DPH3: variants seen among roughly 807,000 people sequenced by gnomAD.
DPH3 encodes the protein diphthamide biosynthesis 3.
A neutral mutation model predicts 10.2 loss-of-function variants in DPH3; 8 were observed. That is an observed-to-expected ratio of 0.79 (90% CI 0.46 to 1.42). The LOEUF is 1.42. Ranked by LOEUF, DPH3 falls within the 40% of genes most tolerant of loss-of-function variation. DPH3 has a pLI of 0.00. For missense variants in DPH3, 96 were observed against 98.9 expected (o/e 0.97, Z 0.12); for synonymous variants, 35 against 35.6 (o/e 0.98, Z 0.06).
chr3:16,260,870 G>T, intron 2 of DPH3, 41 bp from the exon 3 acceptor site: 1 of 1,559,458 alleles, frequency 6.4e-7, no homozygotes, highest in Non-Finnish European at 8.8e-7. Context: ...ATGAATTTCC[G>T]GTCACAAATA....
intron 1 of DPH3, 111 bp downstream of exon 1, chr3:16,264,658 A>C: frequency 9.5e-7 from 1 of 1,051,972 alleles, no homozygotes; most frequent in South Asian, 1.5e-5. Context: ...CAGCAACGGG[A>C]AAGAGGGCGT....
rs2064262440 is a variant in DPH3, at chr3:16,257,805, A to G, written c.*2959T>C. ...AGTTATTTTTTTCCCAAACAATAGA[A>G]ATCCAGAGCCCAAACTGTAGAAATT... On this transcript the variant is annotated 3_prime_UTR_variant, in exon 3 of 3. Coordinates refer to ENST00000488423, the MANE Select transcript of DPH3 (RefSeq NM_206831.3). Among the ~76,000 whole-genome samples, 1 of 152,222 alleles carries G rather than the reference A, an allele frequency of 6.6e-6. No homozygotes were observed.
At position 16,260,599 on chromosome 3, in the gene DPH3, G is replaced by A; in HGVS notation, c.*165C>T. The A allele has an allele frequency of 1.8e-6, 1 of 556,608 alleles. No homozygotes were observed. The highest frequency in any genetic ancestry group is 3.2e-5 in the South Asian group (1 of 31,614). 34.5% of individuals were successfully genotyped at this position (556,608 alleles called of 1,614,324 possible). A position where few individuals can be genotyped will look rare whatever the true frequency, so the allele number is the denominator to read the frequency against. On this transcript the variant is annotated 3_prime_UTR_variant, in exon 3 of 3. Coordinates refer to ENST00000488423, the MANE Select transcript of DPH3 (RefSeq NM_206831.3). ...ACAAAATCCAGATATGTCATGTTAT[G>A]GACTTGCTTCCTGAAGATGATATCA...
rs550155106 is a variant in DPH3 at position 16,260,528 on chromosome 3, A to C, written c.*236T>G. 9.0e-6 allele frequency: 4 copies of C among 444,518 alleles called. No individual in the cohort carries two copies. The highest frequency in any genetic ancestry group is 5.9e-5 in the African/African-American group (3 of 50,746). 27.5% of individuals were successfully genotyped at this position (444,518 alleles called of 1,614,324 possible). A position where few individuals can be genotyped will look rare whatever the true frequency, so the allele number is the denominator to read the frequency against. On this transcript the variant is annotated 3_prime_UTR_variant, in exon 3 of 3. Transcript: ENST00000488423. ...ACTGTTTTGAAATTATCTTCTTTTA[A>C]ATTTAGATGCATAATTAAGAATGCT...
At chr3:16,264,298 C>T (rs1319811796) in intron 1 of DPH3, 69 bp from the exon 2 acceptor site, 1 of 1,289,752 alleles carries the variant, frequency 7.8e-7, no homozygotes, top group Non-Finnish European at 1.1e-6. Context: ...CAAACCTATC[C>T]CACCCCTAGA....
At position 16,263,013 on chromosome 3, in the gene DPH3, C is replaced by G. The variant is rs2064310352; in HGVS notation, c.183+1142G>C. ...TGGTTTTCCTGTTTCTATGCTTGCT[C>G]TCTATAGGCTACTCTGAACACAGCA... On this transcript the variant is annotated intron_variant, in intron 2 of 2. Transcript: ENST00000488423. The surrounding 1 kb of genome is among the most constrained non-coding windows in gnomAD (Gnocchi z 4.0). Among the ~76,000 whole-genome samples, 1 of 152,198 alleles carries G rather than the reference C, an allele frequency of 6.6e-6. No homozygotes were observed. The highest frequency in any genetic ancestry group is 6.5e-5 in the Admixed American group (1 of 15,282).
Position 16,263,434 on chromosome 3 carries a change from T to C in DPH3, c.183+721A>G, listed in dbSNP as rs1196407584. 6.6e-6 allele frequency among the ~76,000 whole-genome samples: 1 copy of C among 152,232 alleles called. No homozygotes were observed. Among genetic ancestry groups the C allele is most frequent in the Admixed American group, 6.5e-5 (1 of 15,284 alleles). ...ACTCCTGATCTTCCTTACCGTTTGC[T>C]TTCTGTTGCAGAGCACATTTTAATA... On this transcript the variant is annotated intron_variant, in intron 2 of 2. Coordinates refer to ENST00000488423, the MANE Select transcript of DPH3 (RefSeq NM_206831.3). This position sits in a 1 kb window ranked among gnomAD's most constrained non-coding sequence, Gnocchi z 4.0.
Position 16,257,497 on chromosome 3 carries a change from C to A in DPH3, c.*3267G>T, listed in dbSNP as rs1559704557. Among the ~76,000 whole-genome samples the A allele has an allele frequency of 1.3e-5, 2 of 152,368 alleles. No homozygotes were observed. Among genetic ancestry groups the A allele is most frequent in the South Asian group, 4.1e-4 (2 of 4,828 alleles). On this transcript the variant is annotated 3_prime_UTR_variant, in exon 3 of 3. Coordinates refer to ENST00000488423, the MANE Select transcript of DPH3 (RefSeq NM_206831.3). ...AGGTACTTCTTTGCCTAGTGCATAG[C>A]ACATGACAGCTATTTTTCTAATTGC...
At position 16,260,674 on chromosome 3, in the gene DPH3, G is replaced by A. The variant is rs950469240; in HGVS notation, c.*90C>T. ...TCTTACAGAACAGCAAATCATAAAT[G>A]GTTGTCTCTGTGAAGCCAGTAGCTT... On this transcript the variant is annotated 3_prime_UTR_variant, in exon 3 of 3. Transcript: ENST00000488423. 8.9e-7 allele frequency: 1 copy of A among 1,128,080 alleles called. No individual in the cohort carries two copies. Among genetic ancestry groups the A allele is most frequent in the Non-Finnish European group, 1.3e-6 (1 of 765,952 alleles). The allele number at this position is 1,128,080 out of a possible 1,614,324, so 69.9% of individuals were successfully genotyped here.
At position 16,262,158 on chromosome 3, in the gene DPH3, T is replaced by C. The variant is rs890188897; in HGVS notation, c.184-1329A>G. On this transcript the variant is annotated intron_variant, in intron 2 of 2. Transcript: ENST00000488423. This position sits in a 1 kb window ranked among gnomAD's most constrained non-coding sequence, Gnocchi z 4.7. ...CACCTTAAACCCTCTCTTGATCCTC[T>C]ATCACCACTGGTTACTGTCCCATGT... 6.6e-6 allele frequency among the ~76,000 whole-genome samples: 1 copy of C among 152,230 alleles called. No homozygotes were observed. Among genetic ancestry groups the C allele is most frequent in the East Asian group, 1.9e-4 (1 of 5,206 alleles).
rs757116637 is a variant in DPH3, at chr3:16,264,924, A to G, written c.-48T>C. 6 of 1,603,022 alleles carry G rather than the reference A, an allele frequency of 3.7e-6. No individual in the cohort carries two copies. The highest frequency in any genetic ancestry group is 2.2e-5 in the South Asian group (2 of 90,430). ...GGTAACGCCCCAGCAGTCCGAGGCC[A>G]GCTCCGAGGGTTTAACTTCGCCGGA... On this transcript the variant is annotated 5_prime_UTR_variant, in exon 1 of 3. Transcript: ENST00000488423.
Position 16,263,152 on chromosome 3 carries a change from C to CACA in DPH3, c.183+1000_183+1002dup, listed in dbSNP as rs1019228551. 2.4e-4 allele frequency among the ~76,000 whole-genome samples: 19 copies of CACA among 78,894 alleles called. No homozygotes were observed. The highest frequency in any genetic ancestry group is 1.6e-3 in the African/African-American group (19 of 12,166). 51.8% of individuals were successfully genotyped at this position (78,894 alleles called of 152,430 possible). A position where few individuals can be genotyped will look rare whatever the true frequency, so the allele number is the denominator to read the frequency against. ...AAGAGCCTAAGTCCTTAAAGTGATC[C>CACA]ACAACTTCTTACGCTACTCTCATCC... is the stretch of plus-strand genomic sequence containing the variant. On this transcript the variant is annotated intron_variant, in intron 2 of 2. Coordinates refer to ENST00000488423, the MANE Select transcript of DPH3 (RefSeq NM_206831.3). The surrounding 1 kb of genome is among the most constrained non-coding windows in gnomAD (Gnocchi z 4.0).
Position 16,259,449 on chromosome 3 carries a change from T to C in DPH3, c.*1315A>G, listed in dbSNP as rs1030075411. On this transcript the variant is annotated 3_prime_UTR_variant, in exon 3 of 3. Transcript: ENST00000488423. ...ACAGAACATTTACATTCTAGCAAGC[T>C]ATTTTTCTAATTGCAGAAGCCATTC... 1.3e-5 allele frequency: 2 copies of C among 152,262 alleles called. No individual in the cohort carries two copies. The highest frequency in any genetic ancestry group is 4.8e-5 in the African/African-American group (2 of 41,472). The allele number at this position is 152,262 out of a possible 1,614,324, so 9.4% of individuals were successfully genotyped here.
chr3:16,259,918 C>T lies in DPH3; in HGVS notation c.*846G>A, dbSNP rs1353649454. 2.0e-5 allele frequency: 3 copies of T among 152,198 alleles called. No homozygotes were observed. The highest frequency in any genetic ancestry group is 7.2e-5 in the African/African-American group (3 of 41,440). The allele number at this position is 152,198 out of a possible 1,614,324, so 9.4% of individuals were successfully genotyped here. On this transcript the variant is annotated 3_prime_UTR_variant, in exon 3 of 3. Coordinates refer to ENST00000488423, the MANE Select transcript of DPH3 (RefSeq NM_206831.3). The stretch of plus-strand genomic sequence containing the variant: ...CAAAACACAAACAAAAACTCAGATA[C>T]AGAAATATTACTTGCTCTGACCTGG...
Position 16,262,129 on chromosome 3 carries a change from C to CT in DPH3, c.184-1301dup, listed in dbSNP as rs1368839249. ...ATATTCACTAATGAAGGCTGAATTT[C>CT]TACCACCTTAAACCCTCTCTTGATC... On this transcript the variant is annotated intron_variant, in intron 2 of 2. Transcript: ENST00000488423. The surrounding 1 kb of genome is among the most constrained non-coding windows in gnomAD (Gnocchi z 4.7). 2.6e-5 allele frequency among the ~76,000 whole-genome samples: 4 copies of CT among 152,208 alleles called. No homozygotes were observed. Among genetic ancestry groups the CT allele is most frequent in the African/African-American group, 4.8e-5 (2 of 41,452 alleles).
In DPH3 at chr3:16,260,844, G is replaced by A; in HGVS notation, c.184-15C>T. 6.2e-7 allele frequency: 1 copy of A among 1,610,376 alleles called. No individual in the cohort carries two copies. The highest frequency in any genetic ancestry group is 2.2e-5 in the East Asian group (1 of 44,852). On this transcript the variant is annotated splice_polypyrimidine_tract_variant and intron_variant, in intron 2 of 2. Coordinates refer to ENST00000488423, the MANE Select transcript of DPH3 (RefSeq NM_206831.3). ...ACAAACTGATCCTAAGACAGAGTGA[G>A]AAATGACATTAACCAATGAATTTCC...
Position 16,258,359 on chromosome 3 carries a change from A to G in DPH3, c.*2405T>C, listed in dbSNP as rs973263884. On this transcript the variant is annotated 3_prime_UTR_variant, in exon 3 of 3. Coordinates refer to ENST00000488423, the MANE Select transcript of DPH3 (RefSeq NM_206831.3). ...TCCAATGGCCTTGCCAAAGATTACG[A>G]AGCTAAAAAGAGACATAGCCTGGAT... The G allele has an allele frequency of 8.0e-6, 1 of 125,748 alleles. No individual in the cohort carries two copies. Among genetic ancestry groups the G allele is most frequent in the African/African-American group, 2.7e-5 (1 of 36,420 alleles). 7.8% of individuals were successfully genotyped at this position (125,748 alleles called of 1,614,324 possible). A position where few individuals can be genotyped will look rare whatever the true frequency, so the allele number is the denominator to read the frequency against.
At position 16,263,929 on chromosome 3, in the gene DPH3, A is replaced by T. The variant is rs1441636266; in HGVS notation, c.183+226T>A. On this transcript the variant is annotated intron_variant, in intron 2 of 2. Coordinates refer to ENST00000488423, the MANE Select transcript of DPH3 (RefSeq NM_206831.3). The surrounding 1 kb of genome is among the most constrained non-coding windows in gnomAD (Gnocchi z 4.0). Reference sequence around the variant, plus strand: ...TTTAATAAATAATAATTTTCACTAAAGCTAGATTTATCTCTAAAGCTAAAA... The same window carrying T: ...TTTAATAAATAATAATTTTCACTAATGCTAGATTTATCTCTAAAGCTAAAA... Among the ~76,000 whole-genome samples, 1 of 152,254 alleles carries T rather than the reference A, an allele frequency of 6.6e-6. No homozygotes were observed. Among genetic ancestry groups the T allele is most frequent in the African/African-American group, 2.4e-5 (1 of 41,470 alleles).
Position 16,260,858 on chromosome 3 carries a change from C to T in DPH3, c.184-29G>A, listed in dbSNP as rs1420364123. ...AGACAGAGTGAGAAATGACATTAAC[C>T]AATGAATTTCCGGTCACAAATACAT... On this transcript the variant is annotated intron_variant, in intron 2 of 2. Coordinates refer to ENST00000488423, the MANE Select transcript of DPH3 (RefSeq NM_206831.3). 4 of 1,596,870 alleles carry T rather than the reference C, an allele frequency of 2.5e-6. No homozygotes were observed. In the East Asian group the frequency reaches 8.9e-5, roughly 36 times the overall value.
Sources: gnomAD v4.1 joint callset for allele counts (sites outside exome capture counted in the v4.1 genomes callset) on GRCh38, gnomAD v4.1.1 for gene constraint, Gnocchi (gnomAD v3.1) non-coding constraint, MANE v1.5 for transcripts, NCBI Gene and HGNC (gene_info 2026-07-23, HGNC 2026-07-21) for gene names.